Variants in AP2B1 observed in about 807,000 individuals in gnomAD.
The protein encoded by AP2B1 is adaptor related protein complex 2 subunit beta 1.
Under a neutral mutation model 102.0 loss-of-function variants are expected in AP2B1, and 23 were observed. The ratio of observed to expected loss-of-function variants is 0.23; its 90% CI spans 0.16 to 0.32. The LOEUF (loss-of-function observed/expected upper bound fraction) is 0.32, where lower values mean the gene tolerates loss of function less well. Ranked by LOEUF, AP2B1 falls within the 10% of genes least tolerant of loss-of-function variation. The probability of loss-of-function intolerance (pLI) is 1.00; values close to 1 mark genes in which losing one functional copy is unlikely to be tolerated. For synonymous variants in AP2B1, 381 were observed against 421.2 expected (o/e 0.90, Z 1.17); for missense variants, 541 against 1,157.4 (o/e 0.47, Z 7.73).
chr17:35,605,720 C>T lies in AP2B1; in HGVS notation c.159C>T (p.Asp53=), dbSNP rs575183143. Residue 53 remains aspartate, a synonymous_variant, in exon 4 of 22, where the codon GAC becomes GAT. Transcript: ENST00000610402. ...CTCTTCTCAGTTCTCTCTTTCCAGA[C>T]GTAGTGAACTGTATGCAGACTGACA... ...VGKDVSSLFP[D]VVNCMQTDNL... The T allele has an allele frequency of 1.1e-5, 18 of 1,610,644 alleles. No homozygotes were observed. Among genetic ancestry groups the T allele is most frequent in the Admixed American group, 8.4e-5 (5 of 59,302 alleles).
rs774678846 is a variant in AP2B1, at chr17:35,671,862, A to G, written c.2140A>G (p.Ile714Val). Residue 714 changes from isoleucine to valine, a missense_variant, in exon 16 of 22, where the codon ATA becomes GTA. Coordinates refer to ENST00000610402, the MANE Select transcript of AP2B1 (RefSeq NM_001030006.2). ...TGACCTGTTTGAACTCTCCACAGGGATAGGCATGGCACCTGGTGGATATGT... is the reference window on the plus strand; with the variant it reads ...TGACCTGTTTGAACTCTCCACAGGGGTAGGCATGGCACCTGGTGGATATGT... Reference protein sequence around the residue: ...LNDLFELSTGIGMAPGGYVAP... With the variant: ...LNDLFELSTGVGMAPGGYVAP... The G allele has an allele frequency of 1.9e-6, 3 of 1,614,094 alleles. No individual in the cohort carries two copies. The highest frequency in any genetic ancestry group is 1.1e-5 in the South Asian group (1 of 91,076).
At chr17:35,593,670 C>G (rs2073172227) in intron 1 of AP2B1, among the ~76,000 whole-genome samples, 1 of 152,140 alleles carries the variant, frequency 6.6e-6, no homozygotes, top group African/African-American at 2.4e-5. Flanking sequence ...ACCAGATTTT[C>G]CTGAATGGAA....
intron 21 of AP2B1, among the ~76,000 whole-genome samples, chr17:35,717,773 A>T (rs2085221749): frequency 6.6e-6 from 1 of 152,232 alleles, no homozygotes; most frequent in Non-Finnish European, 1.5e-5. Flanking sequence ...TCATTAACAC[A>T]TGAGCTTTTT....
intron 12 of AP2B1, among the ~76,000 whole-genome samples, chr17:35,645,943 A>G (rs555872712): frequency 3.9e-5 from 6 of 152,348 alleles, no homozygotes; most frequent in East Asian, 1.9e-4. Flanking sequence ...TTTTCTGTCT[A>G]TGAACTAGGG....
At chr17:35,673,551 A>T (rs1353968869) in intron 16 of AP2B1, among the ~76,000 whole-genome samples, 1 of 152,126 alleles carries the variant, frequency 6.6e-6, no homozygotes, top group Non-Finnish European at 1.5e-5. Flanking sequence ...TCCAGGACCA[A>T]GGGGCGTGTT....
At chr17:35,651,944 G>A (rs901883876) in intron 13 of AP2B1, among the ~76,000 whole-genome samples, 3 of 152,244 alleles carry the variant, frequency 2.0e-5, no homozygotes, top group East Asian at 3.9e-4. Context: ...TTCAAGTTTC[G>A]ATGTAGATAC....
intron 5 of AP2B1, among the ~76,000 whole-genome samples, chr17:35,622,518 T>C (rs538211453): frequency 9.2e-5 from 14 of 152,330 alleles, no homozygotes; most frequent in African/African-American, 3.4e-4. Context: ...GCTAACAAAA[T>C]GATAATCATA....
intron 17 of AP2B1, among the ~76,000 whole-genome samples, chr17:35,674,684 G>A (rs940442389): frequency 9.9e-5 from 15 of 152,176 alleles, no homozygotes; most frequent in African/African-American, 1.4e-4. Flanking sequence ...CAGTCTGGGC[G>A]ACAGAGTGAA....
intron 18 of AP2B1, among the ~76,000 whole-genome samples, chr17:35,696,135 ACTC>A (rs2076137350): frequency 6.6e-6 from 1 of 151,644 alleles, no homozygotes; most frequent in Admixed American, 6.6e-5. Flanking sequence ...TTCATCTGCT[ACTC>A]CTCCTCTTCA....
intron 4 of AP2B1, 118 bp from the exon 5 acceptor site, chr17:35,608,024 G>A: frequency 8.1e-7 from 1 of 1,237,568 alleles, no homozygotes; most frequent in Non-Finnish European, 1.1e-6. Context: ...TGGAGCTCAT[G>A]TAGAATGTAT....
At chr17:35,702,040 A>C (rs2076249146) in intron 18 of AP2B1, among the ~76,000 whole-genome samples, 1 of 152,204 alleles carries the variant, frequency 6.6e-6, no homozygotes, top group African/African-American at 2.4e-5. Context: ...ACTATTCTAG[A>C]AACTGAGAAT....
intron 5 of AP2B1, among the ~76,000 whole-genome samples, chr17:35,624,089 A>G (rs996326256): frequency 6.6e-6 from 1 of 152,168 alleles, no homozygotes; most frequent in African/African-American, 2.4e-5. Context: ...TATGCTGTTC[A>G]TATGTCTTGA....
intron 5 of AP2B1, among the ~76,000 whole-genome samples, chr17:35,623,454 C>T (rs959757944): frequency 1.3e-5 from 2 of 152,140 alleles, no homozygotes; most frequent in Non-Finnish European, 2.9e-5. Flanking sequence ...GTCCCAGCTA[C>T]TTGGGAGACT....
chr17:35,629,158 G>A lies in AP2B1; in HGVS notation c.1155+1432G>A, dbSNP rs2074396938. 2.0e-5 allele frequency among the ~76,000 whole-genome samples: 3 copies of A among 151,976 alleles called. 1 individual carries two copies. Among genetic ancestry groups the A allele is most frequent in the Admixed American group, 2.0e-4 (3 of 15,250 alleles). On this transcript the variant is annotated intron_variant, in intron 9 of 21. Transcript: ENST00000610402. ...GAGACGAGGTTCGCCATGTTGGCTG[G>A]GCTGGTCTTGAACTCCTAGCCTCAA...
chr17:35,612,609 A>C (rs557205441), intron 5 of AP2B1, among the ~76,000 whole-genome samples: 1 of 152,296 alleles, frequency 6.6e-6, no homozygotes, highest in Non-Finnish European at 1.5e-5. Context: ...TAGTTCTCAC[A>C]TTTCTCCTTA....
intron 21 of AP2B1, among the ~76,000 whole-genome samples, chr17:35,718,387 T>C (rs1009182820): frequency 1.3e-5 from 2 of 151,118 alleles, no homozygotes; most frequent in African/African-American, 2.4e-5. Flanking sequence ...CAAGTTAGAC[T>C]TTTGCCCAAG....
intron 20 of AP2B1, among the ~76,000 whole-genome samples, chr17:35,711,688 T>G (rs1204119247): frequency 3.9e-5 from 6 of 152,308 alleles, no homozygotes; most frequent in East Asian, 3.9e-4. Flanking sequence ...AGCCAGGATG[T>G]TCTTGATCTC....
intron 12 of AP2B1, among the ~76,000 whole-genome samples, chr17:35,642,842 A>G (rs2074820691): frequency 1.3e-5 from 2 of 152,130 alleles, no homozygotes; most frequent in African/African-American, 2.4e-5. Flanking sequence ...ATGTATTTGT[A>G]TGAGCTTTTT....
intron 6 of AP2B1, among the ~76,000 whole-genome samples, chr17:35,625,591 T>C (rs2074291957): frequency 2.0e-5 from 3 of 152,096 alleles, no homozygotes; most frequent in Admixed American, 6.6e-5. Context: ...AACAAAGTCA[T>C]GGCCCTCTGG....
Sources: allele counts gnomAD v4.1 joint callset (sites outside exome capture counted in the v4.1 genomes callset), GRCh38; gene constraint gnomAD v4.1.1; transcripts MANE v1.5; gene names NCBI Gene and HGNC (gene_info 2026-07-23, HGNC 2026-07-21).